YJEFN3: variants seen among roughly 807,000 people sequenced by gnomAD.
YJEFN3 encodes the protein yjeF N-terminal domain-containing protein 3.
YJEFN3 carries 29 observed loss-of-function variants against 31.5 expected under a neutral mutation model. That is an observed-to-expected ratio of 0.92 (90% CI 0.69 to 1.26). YJEFN3 has a LOEUF of 1.26. Ranked by LOEUF, YJEFN3 falls within the 50% of genes most tolerant of loss-of-function variation. The pLI, the probability that YJEFN3 is intolerant of heterozygous loss-of-function variation, is 0.00. For synonymous variants in YJEFN3, 227 were observed against 196.1 expected, an observed-to-expected ratio of 1.16 and a Z score of -1.32; for missense variants, 442 against 425.4, an observed-to-expected ratio of 1.04 and a Z score of -0.34.
chr19:19,535,927 CT>C (rs1459114313), intron 6 of YJEFN3: 3 of 609,400 alleles, frequency 4.9e-6, no homozygotes, highest in East Asian at 5.7e-5. Flanking sequence ...CTGCCCACCC[CT>C]GGCCCAGTTG....
At chr19:19,532,499 A>G (rs755185860) in intron 2 of YJEFN3, 133 bp from the exon 3 acceptor site, 98 of 534,258 alleles carry the variant, frequency 1.8e-4, no homozygotes, top group Non-Finnish European at 2.8e-4. Context: ...TCAAGGCTGC[A>G]GACGCTACTC....
chr19:19,533,920 G>A, intron 3 of YJEFN3: 1 of 985,566 alleles, frequency 1.0e-6, no homozygotes, highest in African/African-American at 1.7e-5. Flanking sequence ...GTGTGGCTGG[G>A]ATCGCAGGCA....
At chr19:19,529,999 G>A (rs1221081498) in intron 2 of YJEFN3, among the ~76,000 whole-genome samples, 2 of 152,200 alleles carry the variant, frequency 1.3e-5, no homozygotes, top group Non-Finnish European at 1.5e-5. Flanking sequence ...AGTTTTGGGG[G>A]CAGGAGGCTG....
At position 19,537,530 on chromosome 19, in the gene YJEFN3, A is replaced by C. The variant is rs749803019; in HGVS notation, c.*6A>C. 19 of 1,543,890 alleles carry C rather than the reference A, an allele frequency of 1.2e-5. No individual in the cohort carries two copies. The South Asian group carries it at 2.1e-4, about 17-fold the overall frequency. On this transcript the variant is annotated 3_prime_UTR_variant, in exon 7 of 7. Coordinates refer to ENST00000514277, the MANE Select transcript of YJEFN3 (RefSeq NM_198537.4). ...ACTGCGTCGCGGCACTGTGACCGCC[A>C]CCCGCGGCCACACCGCAGGGACCCT...
intron 3 of YJEFN3, chr19:19,533,744 C>T (rs1039525998): frequency 1.0e-5 from 10 of 985,226 alleles, no homozygotes; most frequent in East Asian, 1.1e-4. Context: ...AAATAGATCC[C>T]GGGTGAGGCG....
intron 1 of YJEFN3, 22 bp from the exon 2 acceptor site, chr19:19,529,342 C>T (rs1022590713): frequency 2.5e-6 from 4 of 1,599,120 alleles, no homozygotes; most frequent in Non-Finnish European, 3.4e-6. Flanking sequence ...CGTGGCCCAC[C>T]CCCACTCTCC....
intron 4 of YJEFN3, 85 bp downstream of exon 4, chr19:19,535,229 C>A: frequency 6.7e-7 from 1 of 1,503,624 alleles, no homozygotes; most frequent in Non-Finnish European, 9.1e-7. Flanking sequence ...CCCAGGGGGA[C>A]ATTGACGCAG....
intron 2 of YJEFN3, 30 bp downstream of exon 2, chr19:19,529,543 C>T: frequency 1.2e-6 from 2 of 1,604,854 alleles, no homozygotes; most frequent in South Asian, 2.2e-5. Context: ...AGAACTGGCG[C>T]CGTGGCTGTG....
In YJEFN3 at chr19:19,531,718, C is replaced by CTT. The variant is rs56747140; in HGVS notation, c.210-885_210-884dup. Among the ~76,000 whole-genome samples, 420 of 75,860 alleles carry CTT rather than the reference C, an allele frequency of 5.5e-3. 46 individuals carry two copies. The highest frequency in any genetic ancestry group is 0.024 in the Middle Eastern group (2 of 84). 49.8% of individuals were successfully genotyped at this position (75,860 alleles called of 152,430 possible). On this transcript the variant is annotated intron_variant, in intron 2 of 6. Coordinates refer to ENST00000514277, the MANE Select transcript of YJEFN3 (RefSeq NM_198537.4). ...GCCACATTTTCTGGCAACAAATAAC[C>CTT]TTTTTTTTTTTTTTTTTTTTTTTTT... is the stretch of plus-strand genomic sequence containing the variant.
At chr19:19,533,754 G>A (rs551513379) in intron 3 of YJEFN3, 124 of 985,382 alleles carry the variant, frequency 1.3e-4, no homozygotes, top group Non-Finnish European at 1.4e-4. Flanking sequence ...CGGGTGAGGC[G>A]CCCAAAGGAG....
At chr19:19,533,564 C>G in intron 3 of YJEFN3, 4 of 764,414 alleles carry the variant, frequency 5.2e-6, no homozygotes, top group Non-Finnish European at 6.4e-6. Context: ...CCTCCCCCTC[C>G]TCCTGTTCTC....
At position 19,529,528 on chromosome 19, in the gene YJEFN3, G is replaced by T. The variant is rs747076159; in HGVS notation, c.209+15G>T. 3 of 1,610,618 alleles carry T rather than the reference G, an allele frequency of 1.9e-6. No homozygotes were observed. Among genetic ancestry groups the T allele is most frequent in the Admixed American group, 3.4e-5 (2 of 59,412 alleles). On this transcript the variant is annotated intron_variant, in intron 2 of 6. Transcript: ENST00000514277. ...GTTTGCCAGAGGTTGGTGAGTTTGG[G>T]ATCTAGAACTGGCGCCGTGGCTGTG...
rs1390644364 is a variant in YJEFN3 at position 19,529,318 on chromosome 19, C to A, written c.60-46C>A. 3.2e-6 allele frequency: 5 copies of A among 1,573,432 alleles called. No individual in the cohort carries two copies. The African/African-American group carries it at 4.1e-5, about 13-fold the overall frequency. ...TCATCAGCAGCGCTGGTCGCTCCCC[C>A]ACCGAACCCCAACCGTGGCCCACCC... On this transcript the variant is annotated intron_variant, in intron 1 of 6. Coordinates refer to ENST00000514277, the MANE Select transcript of YJEFN3 (RefSeq NM_198537.4).
chr19:19,532,692 G>A lies in YJEFN3; in HGVS notation c.270G>A (p.Gln90=). The stretch of plus-strand genomic sequence containing the variant: ...TGGAGGATTATCGCTTTGGGCGGCA[G>A]CAGCTCGTGGAGCTGTGCGGTCATG... ...ELLEDYRFGR[Q]QLVELCGHAS... Residue 90 remains glutamine (Q), a synonymous_variant, in exon 3 of 7, where the codon CAG becomes CAA. Coordinates refer to ENST00000514277, the MANE Select transcript of YJEFN3 (RefSeq NM_198537.4). 6.3e-7 allele frequency: 1 copy of A among 1,576,750 alleles called. No homozygotes were observed. The highest frequency in any genetic ancestry group is 8.6e-7 in the Non-Finnish European group (1 of 1,167,448).
rs759937058 is a variant in YJEFN3, at chr19:19,535,682, A to G, written c.694+3A>G. 3 of 1,552,902 alleles carry G rather than the reference A, an allele frequency of 1.9e-6. No individual in the cohort carries two copies. Among genetic ancestry groups the G allele is most frequent in the Non-Finnish European group, 2.6e-6 (3 of 1,150,218 alleles). On this transcript the variant is annotated splice_donor_region_variant and intron_variant, in intron 6 of 6. Transcript: ENST00000514277. ...CGTGAGCCTGGACATCCCCTCAGGCATGCCAGGCAGAGGGGGGCACATTGG... is the reference window on the plus strand; with the variant it reads ...CGTGAGCCTGGACATCCCCTCAGGCGTGCCAGGCAGAGGGGGGCACATTGG...
chr19:19,535,920 C>CGA, intron 6 of YJEFN3: 1 of 622,898 alleles, frequency 1.6e-6, no homozygotes, highest in Non-Finnish European at 2.8e-6. Context: ...ATGCCCTCTG[C>CGA]CCACCCCTGG....
chr19:19,532,725 C>A lies in YJEFN3; in HGVS notation c.303C>A (p.Ala101=). 1 of 1,570,768 alleles carries A rather than the reference C, an allele frequency of 6.4e-7. No individual in the cohort carries two copies. The change falls in exon 3 of 7, where the codon GCC becomes GCA. Residue 101 remains alanine (A), a synonymous_variant. Coordinates refer to ENST00000514277, the MANE Select transcript of YJEFN3 (RefSeq NM_198537.4). ...QLVELCGHAS[A]VAVTKAFPLP... ...TGGAGCTGTGCGGTCATGCTAGTGC[C>A]GTGGCTGTGACCAAGGTACCTGACC...
intron 3 of YJEFN3, chr19:19,533,479 C>G: frequency 1.1e-6 from 1 of 922,904 alleles, no homozygotes; most frequent in Non-Finnish European, 1.3e-6. Flanking sequence ...TCCTCTTACC[C>G]TCCTCCTCCT....
At position 19,535,324 on chromosome 19, in the gene YJEFN3, C is replaced by A; in HGVS notation, c.430-13C>A. 1 of 1,611,914 alleles carries A rather than the reference C, an allele frequency of 6.2e-7. No homozygotes were observed. Among genetic ancestry groups the A allele is most frequent in the Non-Finnish European group, 8.5e-7 (1 of 1,178,816 alleles). ...GGTCAGGGGAGTCTGACCCCCTCTT[C>A]TCCCACCCCCAGGAGTATGAACCCA... On this transcript the variant is annotated splice_polypyrimidine_tract_variant and intron_variant, in intron 4 of 6. Transcript: ENST00000514277.
Sources: gnomAD v4.1 joint callset for allele counts (sites outside exome capture counted in the v4.1 genomes callset) on GRCh38, gnomAD v4.1.1 for gene constraint, MANE v1.5 for transcripts, NCBI Gene and HGNC (gene_info 2026-07-23, HGNC 2026-07-21) for gene names.